Variants in KDM4A observed in about 807,000 individuals in gnomAD.
KDM4A encodes lysine demethylase 4A.
Under a neutral mutation model 127.1 loss-of-function variants are expected in KDM4A, and 23 were observed. The observed-to-expected ratio is 0.18, with a 90% confidence interval of 0.13 to 0.26. The LOEUF is 0.26. Among genes scored for constraint, KDM4A ranks in the 10% least tolerant of loss-of-function variants. The probability of loss-of-function intolerance (pLI) is 1.00; values close to 1 mark genes in which losing one functional copy is unlikely to be tolerated. For missense variants in KDM4A, 890 were observed against 1,329.1 expected (o/e 0.67, Z 5.14); for synonymous variants, 443 against 466.5 (o/e 0.95, Z 0.65).
In KDM4A at chr1:43,662,410, C is replaced by A. The variant is rs566388390; in HGVS notation, c.430-484C>A. Among the ~76,000 whole-genome samples, 3 of 152,148 alleles carry A rather than the reference C, an allele frequency of 2.0e-5. No individual in the cohort carries two copies. In the East Asian group the frequency reaches 5.8e-4, roughly 29 times the overall value. ...GGATCACAAGGTCAGGAGTTGAAGACCAGCCTGGCCAAGATGGTGAAACCC... is the reference window on the plus strand; with the variant it reads ...GGATCACAAGGTCAGGAGTTGAAGAACAGCCTGGCCAAGATGGTGAAACCC... On this transcript the variant is annotated intron_variant, in intron 4 of 21. Coordinates refer to ENST00000372396, the MANE Select transcript of KDM4A (RefSeq NM_014663.3).
intron 18 of KDM4A, 41 bp from the exon 19 acceptor site, chr1:43,697,802 A>G (rs746801299): frequency 6.3e-7 from 1 of 1,586,272 alleles, no homozygotes. Flanking sequence ...CAGGCCTGCA[A>G]ACTCCACGTG....
chr1:43,664,370 C>T (rs2154046938), intron 5 of KDM4A, among the ~76,000 whole-genome samples: 1 of 152,248 alleles, frequency 6.6e-6, no homozygotes, highest in Non-Finnish European at 1.5e-5. Flanking sequence ...AGTTGGAGAC[C>T]AGCCTGGCCA....
intron 1 of KDM4A, among the ~76,000 whole-genome samples, chr1:43,652,059 A>G (rs1267535792): frequency 6.6e-6 from 1 of 152,242 alleles, no homozygotes; most frequent in Non-Finnish European, 1.5e-5. Context: ...AGTACTTTTG[A>G]ACCCTTAAGT....
chr1:43,665,803 C>A, intron 6 of KDM4A, 58 bp downstream of exon 6: 1 of 1,573,226 alleles, frequency 6.4e-7, no homozygotes, highest in South Asian at 1.1e-5. Flanking sequence ...GCTCCTTGCT[C>A]TGCACTAAAA....
chr1:43,699,322 C>T (rs912648345), intron 19 of KDM4A, among the ~76,000 whole-genome samples: 8 of 152,078 alleles, frequency 5.3e-5, no homozygotes, highest in African/African-American at 1.9e-4. Flanking sequence ...GTTTCGATCT[C>T]GCAGCTTGAA....
At chr1:43,651,497 A>C (rs958133304) in intron 1 of KDM4A, among the ~76,000 whole-genome samples, 1 of 152,172 alleles carries the variant, frequency 6.6e-6, no homozygotes, top group Non-Finnish European at 1.5e-5. Flanking sequence ...CTTCTCTCCT[A>C]CCTTACACAG....
chr1:43,654,954 G>A (rs1170202872), intron 2 of KDM4A, among the ~76,000 whole-genome samples: 3 of 151,888 alleles, frequency 2.0e-5, no homozygotes, highest in African/African-American at 7.3e-5. Flanking sequence ...GGGTTCAAGC[G>A]ATTCTCCTGC....
In KDM4A at chr1:43,656,188, TTC is replaced by T. The variant is rs377409887; in HGVS notation, c.314+424_314+425del. ...CTGCCCATCCAGCCTGCTAGCTCAT[TTC>T]TGTTTTGACATTAACAGTGTGAGTA... On this transcript the variant is annotated intron_variant, in intron 3 of 21. Transcript: ENST00000372396. Among the ~76,000 whole-genome samples the T allele has an allele frequency of 1.6e-4, 24 of 152,324 alleles. No individual in the cohort carries two copies. In the East Asian group the frequency reaches 3.1e-3, roughly 20 times the overall value.
intron 13 of KDM4A, 93 bp from the exon 14 acceptor site, chr1:43,690,752 G>C (rs1309601027): frequency 1.7e-6 from 2 of 1,204,598 alleles, no homozygotes; most frequent in African/African-American, 3.0e-5. Flanking sequence ...AGTCAGATCG[G>C]TAAGAGAGCC....
intron 10 of KDM4A, among the ~76,000 whole-genome samples, chr1:43,670,298 G>C (rs1660589030): frequency 6.6e-6 from 1 of 152,146 alleles, no homozygotes. Flanking sequence ...GACACCCTGG[G>C]CTGGGCTGGC....
Position 43,662,885 on chromosome 1 carries a change from C to A in KDM4A, c.430-9C>A. On this transcript the variant is annotated splice_polypyrimidine_tract_variant and intron_variant, in intron 4 of 21. Coordinates refer to ENST00000372396, the MANE Select transcript of KDM4A (RefSeq NM_014663.3). ...TGTAACTTGCCCTGGACTGTCATTGCCTTTGCAGCATGTTGATGAGTGGAA... is the reference window on the plus strand; with the variant it reads ...TGTAACTTGCCCTGGACTGTCATTGACTTTGCAGCATGTTGATGAGTGGAA... 1 of 1,603,588 alleles carries A rather than the reference C, an allele frequency of 6.2e-7. No homozygotes were observed. The highest frequency in any genetic ancestry group is 8.5e-7 in the Non-Finnish European group (1 of 1,173,168).
chr1:43,698,350 T>A (rs1445184980), intron 19 of KDM4A, among the ~76,000 whole-genome samples: 1 of 152,250 alleles, frequency 6.6e-6, no homozygotes, highest in Non-Finnish European at 1.5e-5. Flanking sequence ...CCAGCTTCAT[T>A]GCCTAGTAGC....
chr1:43,661,879 C>T (rs1159373028), intron 4 of KDM4A, among the ~76,000 whole-genome samples: 1 of 152,098 alleles, frequency 6.6e-6, no homozygotes, highest in Non-Finnish European at 1.5e-5. Flanking sequence ...TAAAAAGCCA[C>T]AACATTGCCA....
intron 19 of KDM4A, among the ~76,000 whole-genome samples, chr1:43,701,678 G>T (rs567378528): frequency 6.6e-6 from 1 of 152,122 alleles, no homozygotes; most frequent in Non-Finnish European, 1.5e-5. Flanking sequence ...GTAGAGATGG[G>T]GTCTCCCCTG....
In KDM4A at chr1:43,671,513, G is replaced by T; in HGVS notation, c.1372G>T (p.Asp458Tyr). 1 of 1,557,418 alleles carries T rather than the reference G, an allele frequency of 6.4e-7. No homozygotes were observed. The highest frequency in any genetic ancestry group is 1.2e-5 in the South Asian group (1 of 80,798). The change falls in exon 11 of 22, where the codon GAC (aspartate) becomes TAC (tyrosine). Residue 458 changes from aspartate (D) to tyrosine (Y), a missense_variant. By Grantham distance (160) the Asp-to-Tyr change is radical (BLOSUM62 -3). Around this residue, in one of 7 missense-constraint regions of KDM4A, gnomAD observed 389 missense variants for 485.9 expected, o/e 0.80. Transcript: ENST00000372396. ...EDGLTFPDYS[D>Y]STEVKFEELK... ...GTGTATGTGTGTTTCAGATTATTCTGACTCCACTGAAGTCAAATTTGAAGA... is the reference window on the plus strand; with the variant it reads ...GTGTATGTGTGTTTCAGATTATTCTTACTCCACTGAAGTCAAATTTGAAGA...
chr1:43,662,629 AGGT>A (rs1478337613), intron 4 of KDM4A, among the ~76,000 whole-genome samples: 1 of 152,310 alleles, frequency 6.6e-6, no homozygotes, highest in African/African-American at 2.4e-5. Flanking sequence ...AAAAACAAAC[AGGT>A]GACTGTCATC....
chr1:43,668,988 G>C, intron 9 of KDM4A, 112 bp from the exon 10 acceptor site: 1 of 1,090,370 alleles, frequency 9.2e-7, no homozygotes, highest in Non-Finnish European at 1.4e-6. Flanking sequence ...TTTTGAGCCA[G>C]GCCTGACAGG....
At chr1:43,650,372 T>C (rs1660082452) in intron 1 of KDM4A, 120 bp downstream of exon 1, 1 of 152,426 alleles carries the variant, frequency 6.6e-6, no homozygotes, top group Non-Finnish European at 1.5e-5. Flanking sequence ...TCGGCATGTT[T>C]CTCGGCCAAT....
At chr1:43,656,768 C>G (rs909490309) in intron 3 of KDM4A, among the ~76,000 whole-genome samples, 8 of 151,774 alleles carry the variant, frequency 5.3e-5, no homozygotes, top group Non-Finnish European at 8.8e-5. Flanking sequence ...GCTCGTTCCC[C>G]AGGCTGGAGT....
Sources: allele counts gnomAD v4.1 joint callset (sites outside exome capture counted in the v4.1 genomes callset), GRCh38; gene constraint gnomAD v4.1.1; regional missense constraint gnomAD v4.1.1; transcripts MANE v1.5; gene names NCBI Gene and HGNC (gene_info 2026-07-23, HGNC 2026-07-21).